The following FLT1 variants were observed in gnomAD, a reference collection of about 807,000 sequenced individuals.
FLT1 encodes the protein vascular endothelial growth factor receptor 1.
Under a neutral mutation model 156.3 loss-of-function variants are expected in FLT1, and 49 were observed. The observed-to-expected ratio is 0.31, with a 90% CI of 0.25 to 0.40. The LOEUF is 0.40. Ranked by LOEUF, FLT1 falls within the 10% of genes least tolerant of loss-of-function variation. FLT1 has a pLI of 1.00. For synonymous variants in FLT1, 594 were observed against 583.8 expected (o/e 1.02, Z -0.25); for missense variants, 1,322 against 1,637.2 (o/e 0.81, Z 3.32).
At chr13:28,329,541 G>A in intron 19 of FLT1, 74 bp downstream of exon 19, 1 of 1,053,372 alleles carries the variant, frequency 9.5e-7, no homozygotes, top group Non-Finnish European at 1.5e-6. Context: ...GGGGGAGAAG[G>A]AGCTGTAAGG....
chr13:28,444,066 AG>A (rs1878476543), intron 3 of FLT1, among the ~76,000 whole-genome samples: 2 of 152,256 alleles, frequency 1.3e-5, no homozygotes, highest in African/African-American at 4.8e-5. Flanking sequence ...ACTAACACAC[AG>A]GAAGCAAAAC....
At chr13:28,342,126 G>C (rs1463168313) in intron 16 of FLT1, among the ~76,000 whole-genome samples, 2 of 152,040 alleles carry the variant, frequency 1.3e-5, no homozygotes, top group African/African-American at 4.8e-5. Flanking sequence ...CAAATGATCT[G>C]CCCGCCTCGG....
chr13:28,421,889 T>C (rs1201189004), intron 10 of FLT1, among the ~76,000 whole-genome samples: 2 of 152,156 alleles, frequency 1.3e-5, no homozygotes. Context: ...GAAACACAGA[T>C]TAAAGAACTG....
chr13:28,493,831 C>T (rs1881595148), intron 1 of FLT1, among the ~76,000 whole-genome samples: 1 of 152,246 alleles, frequency 6.6e-6, no homozygotes, highest in Non-Finnish European at 1.5e-5. Flanking sequence ...CGCCCGTCTC[C>T]CAAACGCCCA....
At chr13:28,406,977 C>A (rs1208908881) in intron 10 of FLT1, among the ~76,000 whole-genome samples, 2 of 152,168 alleles carry the variant, frequency 1.3e-5, no homozygotes, top group South Asian at 4.1e-4. Context: ...TGAGAAGGAA[C>A]TCCAGAGTGT....
At chr13:28,420,451 T>A (rs542762485) in intron 10 of FLT1, among the ~76,000 whole-genome samples, 35 of 152,332 alleles carry the variant, frequency 2.3e-4, no homozygotes, top group African/African-American at 7.5e-4. Flanking sequence ...ATAGAATATA[T>A]GTTGAGACAC....
At chr13:28,429,924 G>C (rs1473216651) in intron 8 of FLT1, 126 bp downstream of exon 8, 1 of 777,640 alleles carries the variant, frequency 1.3e-6, no homozygotes, top group Non-Finnish European at 2.4e-6. Flanking sequence ...ACAGAGTTCT[G>C]AGCTCTCTGG....
intron 10 of FLT1, among the ~76,000 whole-genome samples, chr13:28,417,448 C>A (rs187271133): frequency 2.0e-5 from 3 of 152,240 alleles, no homozygotes; most frequent in Admixed American, 6.5e-5. Context: ...CATCTACCAC[C>A]CATGGTCGGC....
chr13:28,362,647 C>T (rs910201395), intron 14 of FLT1, among the ~76,000 whole-genome samples: 1 of 152,062 alleles, frequency 6.6e-6, no homozygotes, highest in Non-Finnish European at 1.5e-5. Context: ...AATGAGACTC[C>T]ATCTCCACTA....
At chr13:28,425,915 A>G (rs1877313050) in intron 10 of FLT1, among the ~76,000 whole-genome samples, 1 of 152,162 alleles carries the variant, frequency 6.6e-6, no homozygotes, top group African/African-American at 2.4e-5. Context: ...AGTCTTCTCT[A>G]TTTCTATTCT....
intron 29 of FLT1, 40 bp from the exon 30 acceptor site, chr13:28,303,408 G>GT (rs1357568695): frequency 1.8e-5 from 28 of 1,578,776 alleles, no homozygotes; most frequent in Non-Finnish European, 2.3e-5. Flanking sequence ...TTCAAAATTG[G>GT]TTTTTTAGAA....
rs1372469631 is a variant in FLT1, at chr13:28,311,601, A to C, written c.3624T>G (p.Ser1208=). ...GAAAGAAATCTTACCTGACATCATC[A>C]GAGCTTCCTGAATTAAACTTCGGAG... ...ISAPKFNSGS[S]DDVRYVNAFK... The change falls in exon 27 of 30, where the codon TCT becomes TCG. Residue 1208 remains serine (S), a synonymous_variant. Transcript: ENST00000282397. 1.2e-6 allele frequency: 2 copies of C among 1,613,518 alleles called. No individual in the cohort carries two copies. The highest frequency in any genetic ancestry group is 1.7e-6 in the Non-Finnish European group (2 of 1,179,796).
chr13:28,306,139 G>A lies in FLT1; in HGVS notation c.3815+539C>T, dbSNP rs551345617. Among the ~76,000 whole-genome samples, 4 of 152,340 alleles carry A rather than the reference G, an allele frequency of 2.6e-5. No individual in the cohort carries two copies. In the East Asian group the frequency reaches 7.7e-4, roughly 29 times the overall value. On this transcript the variant is annotated intron_variant, in intron 29 of 29. Transcript: ENST00000282397. ...ATAAGGCAAGGACTCCCCAGTGGTG[G>A]CCACGGCGTGGAGGGAGGAGCTGGT... is the stretch of plus-strand genomic sequence containing the variant.
At chr13:28,354,738 A>G (rs1240590512) in intron 15 of FLT1, among the ~76,000 whole-genome samples, 1 of 152,166 alleles carries the variant, frequency 6.6e-6, no homozygotes, top group Non-Finnish European at 1.5e-5. Context: ...AAAAAACTAC[A>G]AAAAGCAGAC....
At chr13:28,364,288 C>T (rs1303861826) in intron 14 of FLT1, among the ~76,000 whole-genome samples, 1 of 152,194 alleles carries the variant, frequency 6.6e-6, no homozygotes, top group Non-Finnish European at 1.5e-5. Context: ...TCATAGCTCA[C>T]TGCAGCCTTG....
intron 1 of FLT1, among the ~76,000 whole-genome samples, chr13:28,488,224 C>G (rs1454419775): frequency 3.3e-5 from 5 of 152,072 alleles, no homozygotes; most frequent in Non-Finnish European, 7.4e-5. Flanking sequence ...ATGGCAAAAC[C>G]CTGTCTCTAC....
rs2138814542 is a variant in FLT1 at position 28,312,107 on chromosome 13, G to A, written c.3387-9C>T. ...CCAGCATGATCTGATAGCTGGTGGGGAAAACAGCAACAGAAATAGTTGGAG... is the reference window on the plus strand; with the variant it reads ...CCAGCATGATCTGATAGCTGGTGGGAAAAACAGCAACAGAAATAGTTGGAG... On this transcript the variant is annotated splice_polypyrimidine_tract_variant and intron_variant, in intron 25 of 29. Transcript: ENST00000282397. 6.4e-7 allele frequency: 1 copy of A among 1,554,142 alleles called. No individual in the cohort carries two copies. The highest frequency in any genetic ancestry group is 1.7e-5 in the Admixed American group (1 of 59,960).
intron 15 of FLT1, among the ~76,000 whole-genome samples, chr13:28,353,161 G>A (rs1282032795): frequency 2.0e-5 from 3 of 152,062 alleles, no homozygotes; most frequent in Admixed American, 1.3e-4. Context: ...TGGGATTTTT[G>A]TATCTGTCAA....
At chr13:28,308,569 A>G (rs1870850613) in intron 28 of FLT1, 1 of 452,992 alleles carries the variant, frequency 2.2e-6, no homozygotes, top group East Asian at 4.4e-5. Context: ...CTGACAGCTA[A>G]GCAGCTTAGA....
Sources: allele counts gnomAD v4.1 joint callset (sites outside exome capture counted in the v4.1 genomes callset), GRCh38; gene constraint gnomAD v4.1.1; transcripts MANE v1.5; gene names NCBI Gene and HGNC (gene_info 2026-07-23, HGNC 2026-07-21).